SPINT1: variants seen among roughly 807,000 people sequenced by gnomAD.
The protein encoded by SPINT1 is kunitz-type protease inhibitor 1.
SPINT1 carries 38 observed loss-of-function variants against 53.7 expected under a neutral mutation model. That is an observed-to-expected ratio of 0.71 (90% CI 0.55 to 0.93). SPINT1 has a LOEUF of 0.93. SPINT1 is among the 40% of genes least tolerant of loss of function. The pLI, the probability that SPINT1 is intolerant of heterozygous loss-of-function variation, is 0.00. For missense variants in SPINT1, 645 were observed against 692.9 expected (o/e 0.93, Z 0.78); for synonymous variants, 283 against 280.6 (o/e 1.01, Z -0.08).
chr15:40,847,186 T>G (rs1490539633), intron 2 of SPINT1, among the ~76,000 whole-genome samples: 1 of 152,208 alleles, frequency 6.6e-6, no homozygotes, highest in Non-Finnish European at 1.5e-5. Context: ...GGGCTTGGAC[T>G]TAGTATGAGC....
At chr15:40,855,679 G>A (rs141921370) in intron 8 of SPINT1, 164 of 484,228 alleles carry the variant, frequency 3.4e-4, no homozygotes, top group Non-Finnish European at 4.9e-4. Flanking sequence ...ACTATGAGTC[G>A]GCGTAGTTTA....
Position 40,853,779 on chromosome 15 carries a change from A to G in SPINT1, c.811A>G (p.Thr271Ala). 1 of 1,614,216 alleles carries G rather than the reference A, an allele frequency of 6.2e-7. No homozygotes were observed. The highest frequency in any genetic ancestry group is 1.3e-5 in the African/African-American group (1 of 75,060). Residue 271 changes from threonine (T) to alanine (A), a missense_variant, in exon 5 of 11, where the codon ACG (threonine) becomes GCG (alanine). Physicochemically the swap from Thr to Ala is moderately conservative, Grantham distance 58. Coordinates refer to ENST00000562057, the MANE Select transcript of SPINT1 (RefSeq NM_003710.4). The part of the protein sequence containing the change: ...GSFPRWYYDP[T>A]EQICKSFVYG... ...TTTCCCACGCTGGTACTATGACCCCACGGAGCAGATCTGCAAGAGTTTCGT... is the reference window on the plus strand; with the variant it reads ...TTTCCCACGCTGGTACTATGACCCCGCGGAGCAGATCTGCAAGAGTTTCGT...
rs367761216 is a variant in SPINT1 at position 40,853,835 on chromosome 15, C to T, written c.867C>T (p.Asn289=). The change falls in exon 5 of 11, where the codon AAC becomes AAT. Residue 289 remains asparagine, a synonymous_variant. Coordinates refer to ENST00000562057, the MANE Select transcript of SPINT1 (RefSeq NM_003710.4). ...GAGGCTGCTTGGGCAACAAGAACAA[C>T]TACCTTCGGGAAGAAGAGTGCATTC... ...VYGGCLGNKN[N]YLREEECILA... 23 of 1,614,126 alleles carry T rather than the reference C, an allele frequency of 1.4e-5. No homozygotes were observed. The highest frequency in any genetic ancestry group is 1.9e-5 in the Non-Finnish European group (22 of 1,180,052).
At chr15:40,845,103 C>G (rs1446176637) in intron 2 of SPINT1, 74 bp downstream of exon 2, 6 of 1,231,866 alleles carry the variant, frequency 4.9e-6, no homozygotes, top group Non-Finnish European at 6.8e-6. Flanking sequence ...CTAGGGGAGA[C>G]GAACATCAGA....
chr15:40,844,404 C>T lies in SPINT1; in HGVS notation c.-65-86C>T. ...GGGTGCTCCGGTCCCTCCTCCCCGC[C>T]ACTTCCTCCCGGCCGGCCCGCCTCC... On this transcript the variant is annotated intron_variant, in intron 1 of 10. Transcript: ENST00000562057. The surrounding 1 kb of genome is among the most constrained non-coding windows in gnomAD (Gnocchi z 5.8). 1.2e-6 allele frequency: 1 copy of T among 845,994 alleles called. No individual in the cohort carries two copies. The highest frequency in any genetic ancestry group is 1.4e-5 in the South Asian group (1 of 70,132). 52.4% of individuals were successfully genotyped at this position (845,994 alleles called of 1,614,324 possible). A position where few individuals can be genotyped will look rare whatever the true frequency, so the allele number is the denominator to read the frequency against.
chr15:40,850,143 G>A (rs1271997852), intron 2 of SPINT1, among the ~76,000 whole-genome samples: 1 of 152,014 alleles, frequency 6.6e-6, no homozygotes, highest in African/African-American at 2.4e-5. Context: ...CGCGATCTCC[G>A]GCTCACCACA....
Position 40,844,765 on chromosome 15 carries a change from A to G in SPINT1, c.211A>G (p.Asn71Asp), listed in dbSNP as rs756511656. The change falls in exon 2 of 11, where the codon AAC becomes GAC. Residue 71 changes from asparagine (N) to aspartate (D), a missense_variant. Transcript: ENST00000562057. The surrounding 1 kb of genome is among the most constrained non-coding windows in gnomAD (Gnocchi z 5.8). ...GCTGGACACCAACGCCTCGGTCAGC[A>G]ACGGAGCTACCTTCCTGGAGTCCCC... ...FVLDTNASVS[N>D]GATFLESPTV... 1.2e-6 allele frequency: 2 copies of G among 1,612,018 alleles called. No individual in the cohort carries two copies. Among genetic ancestry groups the G allele is most frequent in the Admixed American group, 1.7e-5 (1 of 59,870 alleles).
In SPINT1 at chr15:40,854,542, G is replaced by C. The variant is rs200801441; in HGVS notation, c.1066+20G>C. On this transcript the variant is annotated intron_variant, in intron 7 of 10. Coordinates refer to ENST00000562057, the MANE Select transcript of SPINT1 (RefSeq NM_003710.4). ...AAAAATGTGAGGCCTGGGGGATAGA[G>C]GGGGTTGGGCAGCAGACAGGGAGGT... is the stretch of plus-strand genomic sequence containing the variant. 5.6e-5 allele frequency: 91 copies of C among 1,613,584 alleles called. No individual in the cohort carries two copies. The South Asian group carries it at 5.8e-4, about 10-fold the overall frequency.
Position 40,856,961 on chromosome 15 carries a change from A to G in SPINT1, c.1528A>G (p.Thr510Ala). 2 of 1,613,482 alleles carry G rather than the reference A, an allele frequency of 1.2e-6. No homozygotes were observed. The highest frequency in any genetic ancestry group is 1.7e-6 in the Non-Finnish European group (2 of 1,179,760). ...GGAGCACCTGGTCTATAACCACACC[A>G]CGCGGCCCCTCTGAGCCTGGGTCTC... ...DTEHLVYNHTTRPL is the reference protein window; with the variant it reads ...DTEHLVYNHTARPL The change falls in exon 11 of 11, where the codon ACG becomes GCG. Residue 510 changes from threonine to alanine, a missense_variant. Transcript: ENST00000562057.
chr15:40,857,252 T>G lies in SPINT1; in HGVS notation c.*277T>G, dbSNP rs1446335824. ...TGGAGGAAGTTGGAGTTTTGTTTCCTCTGTTCAAAGCTGCCTGTCCCTACC... is the reference window on the plus strand; with the variant it reads ...TGGAGGAAGTTGGAGTTTTGTTTCCGCTGTTCAAAGCTGCCTGTCCCTACC... On this transcript the variant is annotated 3_prime_UTR_variant, in exon 11 of 11. Coordinates refer to ENST00000562057, the MANE Select transcript of SPINT1 (RefSeq NM_003710.4). 1 of 511,798 alleles carries G rather than the reference T, an allele frequency of 2.0e-6. No homozygotes were observed. The highest frequency in any genetic ancestry group is 3.4e-5 in the East Asian group (1 of 29,154). The allele number at this position is 511,798 out of a possible 1,614,324, so 31.7% of individuals were successfully genotyped here.
chr15:40,852,602 T>C (rs1176941587), intron 2 of SPINT1, among the ~76,000 whole-genome samples: 1 of 151,428 alleles, frequency 6.6e-6, no homozygotes, highest in African/African-American at 2.4e-5. Flanking sequence ...AAAATAGAAA[T>C]AAGCCTATCC....
In SPINT1 at chr15:40,854,044, C is replaced by G. The variant is rs1212502009; in HGVS notation, c.914-16C>G. 6.5e-7 allele frequency: 1 copy of G among 1,542,702 alleles called. No individual in the cohort carries two copies. Among genetic ancestry groups the G allele is most frequent in the Non-Finnish European group, 8.7e-7 (1 of 1,143,596 alleles). Reference sequence around the variant, plus strand: ...GCCTGGTCATGCCTCCTCTCATTCTCTGTTCTCTCTCCCAGGCCCCTCCAT... The same window carrying G: ...GCCTGGTCATGCCTCCTCTCATTCTGTGTTCTCTCTCCCAGGCCCCTCCAT... On this transcript the variant is annotated splice_polypyrimidine_tract_variant and intron_variant, in intron 5 of 10. Coordinates refer to ENST00000562057, the MANE Select transcript of SPINT1 (RefSeq NM_003710.4).
Position 40,853,183 on chromosome 15 carries a change from C to G in SPINT1, c.535C>G (p.Leu179Val). 1 of 1,614,192 alleles carries G rather than the reference C, an allele frequency of 6.2e-7. No individual in the cohort carries two copies. The highest frequency in any genetic ancestry group is 1.7e-4 in the Middle Eastern group (1 of 6,060). Residue 179 changes from leucine to valine, a missense_variant, in exon 3 of 11, where the codon CTG becomes GTG. Leu to Val is a conservative substitution (Grantham distance 32). Transcript: ENST00000562057. The stretch of plus-strand genomic sequence containing the variant: ...CTTGAAGGTACAACCCCAGGAACCC[C>G]TGGTGCTGAAGGATGTGGAAAACAC... ...IDLKVQPQEP[L>V]VLKDVENTDW...
chr15:40,850,398 A>G (rs2142008414), intron 2 of SPINT1, among the ~76,000 whole-genome samples: 1 of 152,280 alleles, frequency 6.6e-6, no homozygotes, highest in Non-Finnish European at 1.5e-5. Flanking sequence ...TCCAAAATAT[A>G]AGATATGGTG....
intron 8 of SPINT1, 164 bp from the exon 9 acceptor site, chr15:40,855,728 C>G: frequency 1.6e-6 from 1 of 633,668 alleles, no homozygotes; most frequent in Non-Finnish European, 2.6e-6. Context: ...TTTGTCTTCC[C>G]TTTTCTGGCA....
rs1031525708 is a variant in SPINT1, at chr15:40,853,171, C to T, written c.523C>T (p.Pro175Ser). 17 of 1,614,066 alleles carry T rather than the reference C, an allele frequency of 1.1e-5. No individual in the cohort carries two copies. The highest frequency in any genetic ancestry group is 1.4e-5 in the Non-Finnish European group (17 of 1,180,012). ...AWAGIDLKVQ[P>S]QEPLVLKDVE... ...GGCAGGCATAGACTTGAAGGTACAA[C>T]CCCAGGAACCCCTGGTGCTGAAGGA... The change falls in exon 3 of 11, where the codon CCC becomes TCC. Residue 175 changes from proline to serine, a missense_variant. Pro to Ser is a moderately conservative substitution (Grantham distance 74, BLOSUM62 -1). Transcript: ENST00000562057.
In SPINT1 at chr15:40,844,439, T is replaced by C. The variant is rs1224660934; in HGVS notation, c.-65-51T>C. 3.6e-6 allele frequency: 4 copies of C among 1,104,402 alleles called. No homozygotes were observed. In the African/African-American group the frequency reaches 6.3e-5, roughly 17 times the overall value. The allele number at this position is 1,104,402 out of a possible 1,614,324, so 68.4% of individuals were successfully genotyped here. On this transcript the variant is annotated intron_variant, in intron 1 of 10. Transcript: ENST00000562057. The surrounding 1 kb of genome is among the most constrained non-coding windows in gnomAD (Gnocchi z 5.8). ...CGGCCGGCCCGCCTCCTCCAAAGTC[T>C]CCCGGGCTGATCAGGTGTGTCTCCT...
chr15:40,857,105 C>G lies in SPINT1; in HGVS notation c.*130C>G. The G allele has an allele frequency of 1.6e-6, 2 of 1,224,456 alleles. No homozygotes were observed. Among genetic ancestry groups the G allele is most frequent in the Non-Finnish European group, 2.2e-6 (2 of 893,502 alleles). The allele number at this position is 1,224,456 out of a possible 1,614,324, so 75.8% of individuals were successfully genotyped here. ...CCACTGTGCCTCAGAGACCAGGGCT[C>G]CAGCCCCTCTTGGAGAAGTCTCAGC... On this transcript the variant is annotated 3_prime_UTR_variant, in exon 11 of 11. Coordinates refer to ENST00000562057, the MANE Select transcript of SPINT1 (RefSeq NM_003710.4).
Position 40,853,128 on chromosome 15 carries a change from T to C in SPINT1, c.480T>C (p.Ser160=). Residue 160 remains serine (S), a synonymous_variant, in exon 3 of 11, where the codon TCT becomes TCC. Coordinates refer to ENST00000562057, the MANE Select transcript of SPINT1 (RefSeq NM_003710.4). ...RQLRTQGFGG[S]GIPKAWAGID... ...CTCACTTTCTCTCCCCGCCAGGGTC[T>C]GGGATCCCCAAGGCCTGGGCAGGCA... is the stretch of plus-strand genomic sequence containing the variant. The C allele has an allele frequency of 6.2e-7, 1 of 1,613,862 alleles. No individual in the cohort carries two copies. Among genetic ancestry groups the C allele is most frequent in the Non-Finnish European group, 8.5e-7 (1 of 1,179,848 alleles).
Sources: gnomAD v4.1 joint callset for allele counts (sites outside exome capture counted in the v4.1 genomes callset) on GRCh38, gnomAD v4.1.1 for gene constraint, Gnocchi (gnomAD v3.1) non-coding constraint, MANE v1.5 for transcripts, NCBI Gene and HGNC (gene_info 2026-07-23, HGNC 2026-07-21) for gene names.